The following DLGAP4 variants were observed in gnomAD, a reference collection of about 807,000 sequenced individuals.
DLGAP4 encodes the protein disks large-associated protein 4.
DLGAP4 carries 18 observed loss-of-function variants against 86.9 expected under a neutral mutation model. The ratio of observed to expected loss-of-function variants is 0.21; its 90% CI spans 0.14 to 0.31. The LOEUF is 0.31. Among genes scored for constraint, DLGAP4 ranks in the 10% least tolerant of loss-of-function variants. The pLI is 1.00. For synonymous variants in DLGAP4, 548 were observed against 574.3 expected, an observed-to-expected ratio of 0.95 and a Z score of 0.65; for missense variants, 1,085 against 1,362.6, an observed-to-expected ratio of 0.80 and a Z score of 3.21.
Position 36,436,487 on chromosome 20 carries a change from A to C in DLGAP4, c.1241+137A>C, listed in dbSNP as rs112249399. The C allele has an allele frequency of 2.2e-3, 3,052 of 1,367,838 alleles. 50 individuals carry two copies. The African/African-American group carries it at 0.039, about 17-fold the overall frequency. 84.7% of individuals were successfully genotyped at this position (1,367,838 alleles called of 1,614,324 possible). A position where few individuals can be genotyped will look rare whatever the true frequency, so the allele number is the denominator to read the frequency against. ...GCCACGCCCCCTTTGAGCCACGCCC[A>C]CTCATGAGTCCTGCTTCTTGAGAGA... On this transcript the variant is annotated intron_variant, in intron 4 of 12. Coordinates refer to ENST00000339266, the MANE Select transcript of DLGAP4 (RefSeq NM_001365621.2).
chr20:36,504,665 C>T (rs1266660236), intron 10 of DLGAP4, among the ~76,000 whole-genome samples: 1 of 152,194 alleles, frequency 6.6e-6, no homozygotes, highest in Non-Finnish European at 1.5e-5. Context: ...CTGTTATCTT[C>T]TGTCTTTTAA....
chr20:36,523,122 TC>T (rs2037480511), intron 10 of DLGAP4, among the ~76,000 whole-genome samples: 1 of 152,118 alleles, frequency 6.6e-6, no homozygotes, highest in African/African-American at 2.4e-5. Context: ...TCTCACTCTG[TC>T]CCCCAGGCTG....
At chr20:36,312,894 G>A (rs2065065494) in intron 1 of DLGAP4, among the ~76,000 whole-genome samples, 1 of 152,090 alleles carries the variant, frequency 6.6e-6, no homozygotes, top group Admixed American at 6.5e-5. Context: ...CTGGGGGTTT[G>A]TAGTAAGAGG....
At chr20:36,387,735 A>T (rs1214300850) in intron 2 of DLGAP4, among the ~76,000 whole-genome samples, 1 of 152,246 alleles carries the variant, frequency 6.6e-6, no homozygotes, top group African/African-American at 2.4e-5. Context: ...TTGTCCCAGC[A>T]GCATTAATTG....
chr20:36,485,309 G>A (rs757729979), intron 7 of DLGAP4, among the ~76,000 whole-genome samples: 133 of 150,472 alleles, frequency 8.8e-4, no homozygotes, highest in Non-Finnish European at 4.9e-4. Flanking sequence ...TGAGCCCAGA[G>A]GTCAAGGCTG....
chr20:36,526,876 C>G lies in DLGAP4; in HGVS notation c.2824C>G (p.Arg942Gly), dbSNP rs1569527908. 1.2e-6 allele frequency: 2 copies of G among 1,612,620 alleles called. No homozygotes were observed. The highest frequency in any genetic ancestry group is 8.5e-7 in the Non-Finnish European group (1 of 1,179,626). The change falls in exon 13 of 13, where the codon CGC (arginine) becomes GGC (glycine). Residue 942 changes from arginine (R) to glycine (G), a missense_variant. Around this residue, in one of 2 missense-constraint regions of DLGAP4, gnomAD observed 1,082 missense variants for 1,344.1 expected, o/e 0.81. Transcript: ENST00000339266. ...AGCCAAATCCAAGCCGGCAGTGAGC[C>G]GCGACAAGGCCTCAGACGCCAGCGA... is the stretch of plus-strand genomic sequence containing the variant. ...KPAKSKPAVS[R>G]DKASDASDKQ...
chr20:36,518,019 A>C (rs1346824958), intron 10 of DLGAP4, among the ~76,000 whole-genome samples: 2 of 152,160 alleles, frequency 1.3e-5, no homozygotes, highest in African/African-American at 4.8e-5. Context: ...TCAGGAGTTC[A>C]AGACCAGCCT....
At chr20:36,335,641 C>T (rs1380565425) in intron 1 of DLGAP4, among the ~76,000 whole-genome samples, 2 of 152,218 alleles carry the variant, frequency 1.3e-5, no homozygotes, top group Non-Finnish European at 2.9e-5. Flanking sequence ...GATGTTGCTG[C>T]CTTCTCCTCC....
rs2033601220 is a variant in DLGAP4, at chr20:36,446,699, A to G, written c.1410A>G (p.Val470=). 6.3e-7 allele frequency: 1 copy of G among 1,599,900 alleles called. No individual in the cohort carries two copies. The highest frequency in any genetic ancestry group is 1.1e-5 in the South Asian group (1 of 90,460). The change falls in exon 7 of 13, where the codon GTA becomes GTG. Residue 470 remains valine (V), a splice_region_variant and synonymous_variant. Transcript: ENST00000339266. Reference sequence around the variant, plus strand: ...CATGCCTGCCTTTGCCTGGACAGGTACGGGAGGCAGAGCTGAGTGACCAGT... The same window carrying G: ...CATGCCTGCCTTTGCCTGGACAGGTGCGGGAGGCAGAGCTGAGTGACCAGT... ...IPQLFGHEQQ[V]REAELSDQYE...
At position 36,360,492 on chromosome 20, in the gene DLGAP4, C is replaced by T. The variant is rs369950223; in HGVS notation, c.-303-6553C>T. ...GACTCCTGTTCACCTGCCACGACCCCGTTCTGGTGTGTGAGCATCCCGAGG... is the reference window on the plus strand; with the variant it reads ...GACTCCTGTTCACCTGCCACGACCCTGTTCTGGTGTGTGAGCATCCCGAGG... On this transcript the variant is annotated intron_variant, in intron 1 of 12. Transcript: ENST00000339266. Among the ~76,000 whole-genome samples, 4 of 152,308 alleles carry T rather than the reference C, an allele frequency of 2.6e-5. No individual in the cohort carries two copies. The East Asian group carries it at 5.8e-4, about 22-fold the overall frequency.
chr20:36,475,069 A>AC (rs2147679585), intron 7 of DLGAP4, among the ~76,000 whole-genome samples: 1 of 151,638 alleles, frequency 6.6e-6, no homozygotes, highest in South Asian at 2.1e-4. Context: ...AGGTGTCACG[A>AC]CCCTGAGGTG....
chr20:36,523,701 T>A (rs2037522772), intron 10 of DLGAP4, among the ~76,000 whole-genome samples: 1 of 152,184 alleles, frequency 6.6e-6, no homozygotes, highest in African/African-American at 2.4e-5. Context: ...TCTCCCTCTG[T>A]CACCCAAGCT....
chr20:36,362,420 G>A (rs1270655791), intron 1 of DLGAP4, among the ~76,000 whole-genome samples: 1 of 152,200 alleles, frequency 6.6e-6, no homozygotes. Flanking sequence ...CTCCAGGGAA[G>A]GTCACAGACT....
At chr20:36,503,329 GTTTAT>G (rs143923913) in intron 10 of DLGAP4, among the ~76,000 whole-genome samples, 1,602 of 152,174 alleles carry the variant, frequency 0.011, 29 homozygotes, top group African/African-American at 0.034. Flanking sequence ...CATCACTACT[GTTTAT>G]TTTAAGAACA....
At chr20:36,426,348 C>T (rs1216711983) in intron 2 of DLGAP4, among the ~76,000 whole-genome samples, 2 of 152,078 alleles carry the variant, frequency 1.3e-5, no homozygotes, top group Non-Finnish European at 2.9e-5. Flanking sequence ...AACCCGTTCT[C>T]CACTAAAAAT....
chr20:36,525,630 G>C lies in DLGAP4; in HGVS notation c.2605-221G>C. ...CATTAGGGACAGGAGTGCCTTCCTT[G>C]CCACAGCCCTTAGACTATCCCCCAA... On this transcript the variant is annotated intron_variant, in intron 11 of 12. Transcript: ENST00000339266. 3 of 606,598 alleles carry C rather than the reference G, an allele frequency of 4.9e-6. No homozygotes were observed. The South Asian group carries it at 6.2e-5, about 13-fold the overall frequency. 37.6% of individuals were successfully genotyped at this position (606,598 alleles called of 1,614,324 possible).
chr20:36,463,487 C>G (rs1233767847), intron 7 of DLGAP4, among the ~76,000 whole-genome samples: 1 of 152,202 alleles, frequency 6.6e-6, no homozygotes, highest in Non-Finnish European at 1.5e-5. Flanking sequence ...TCTTTAACCT[C>G]CTCCCCACTA....
intron 10 of DLGAP4, among the ~76,000 whole-genome samples, chr20:36,510,246 A>G (rs189628586): frequency 2.7e-4 from 41 of 152,044 alleles, no homozygotes; most frequent in Non-Finnish European, 4.7e-4. Flanking sequence ...ATGTTAATAC[A>G]ACTATTTTCA....
In DLGAP4 at chr20:36,500,431, C is replaced by T; in HGVS notation, c.2332C>T (p.Pro778Ser). 6.3e-7 allele frequency: 1 copy of T among 1,575,820 alleles called. No individual in the cohort carries two copies. Among genetic ancestry groups the T allele is most frequent in the Non-Finnish European group, 8.6e-7 (1 of 1,157,932 alleles). ...CCCTGCCCTAGAGGCGTCCTCGCTG[C>T]CCCCACCCGACCCCTGGCTCGAGAC... ...SDPALEASSL[P>S]PPDPWLETSS... The change falls in exon 10 of 13, where the codon CCC becomes TCC. Residue 778 changes from proline (P) to serine (S), a missense_variant. Pro to Ser is a moderately conservative substitution (Grantham distance 74). Coordinates refer to ENST00000339266, the MANE Select transcript of DLGAP4 (RefSeq NM_001365621.2). This position sits in a 1 kb window ranked among gnomAD's most constrained non-coding sequence, Gnocchi z 4.6.
Sources: allele counts gnomAD v4.1 joint callset (sites outside exome capture counted in the v4.1 genomes callset), GRCh38; gene constraint gnomAD v4.1.1; regional missense constraint gnomAD v4.1.1; non-coding constraint Gnocchi (gnomAD v3.1); transcripts MANE v1.5; gene names NCBI Gene and HGNC (gene_info 2026-07-23, HGNC 2026-07-21).